Variants in GDF11 observed in about 807,000 individuals in gnomAD.
The protein encoded by GDF11 is growth differentiation factor 11, also known as growth/differentiation factor 11.
GDF11 carries 12 observed loss-of-function variants against 34.4 expected under a neutral mutation model. That is an observed-to-expected ratio of 0.35 (90% CI 0.22 to 0.57). The LOEUF (loss-of-function observed/expected upper bound fraction) is 0.57. Ranked by LOEUF, GDF11 falls within the 20% of genes least tolerant of loss-of-function variation. GDF11 has a pLI of 0.86. For missense variants in GDF11, 346 were observed against 548.2 expected, an observed-to-expected ratio of 0.63 and a Z score of 3.68; for synonymous variants, 212 against 231.1, an observed-to-expected ratio of 0.92 and a Z score of 0.75.
In GDF11 at chr12:55,751,193, T is replaced by C. The variant is rs1332481440; in HGVS notation, c.*1311T>C. 1 of 152,178 alleles carries C rather than the reference T, an allele frequency of 6.6e-6. No homozygotes were observed. The highest frequency in any genetic ancestry group is 2.4e-5 in the African/African-American group (1 of 41,398). The allele number at this position is 152,178 out of a possible 1,614,324, so 9.4% of individuals were successfully genotyped here. ...GGGGAGAACAAGGAAGCAGAGTGTA[T>C]AATTATTTTTTCCTTTTATTTTTGG... On this transcript the variant is annotated 3_prime_UTR_variant, in exon 3 of 3. Coordinates refer to ENST00000257868, the MANE Select transcript of GDF11 (RefSeq NM_005811.5).
At position 55,752,960 on chromosome 12, in the gene GDF11, A is replaced by G. The variant is rs1878372373; in HGVS notation, c.*3078A>G. 6.6e-6 allele frequency: 1 copy of G among 152,222 alleles called. No individual in the cohort carries two copies. Among genetic ancestry groups the G allele is most frequent in the Non-Finnish European group, 1.5e-5 (1 of 68,070 alleles). 9.4% of individuals were successfully genotyped at this position (152,222 alleles called of 1,614,324 possible). ...AGGTGAAGAGGATCTGAGACAGGAA[A>G]CCTCGTGTTCAATGACTAAGAAGAT... is the stretch of plus-strand genomic sequence containing the variant. On this transcript the variant is annotated 3_prime_UTR_variant, in exon 3 of 3. Coordinates refer to ENST00000257868, the MANE Select transcript of GDF11 (RefSeq NM_005811.5).
At position 55,750,022 on chromosome 12, in the gene GDF11, A is replaced by C; in HGVS notation, c.*140A>C. The C allele has an allele frequency of 5.5e-6, 4 of 733,006 alleles. No homozygotes were observed. Among genetic ancestry groups the C allele is most frequent in the African/African-American group, 1.8e-5 (1 of 57,062 alleles). 45.4% of individuals were successfully genotyped at this position (733,006 alleles called of 1,614,324 possible). ...CCCCGACCAAGCCGTGTGCAATACA[A>C]CAGAGGGAGGCAGGTGGGAATTGAG... On this transcript the variant is annotated 3_prime_UTR_variant, in exon 3 of 3. Coordinates refer to ENST00000257868, the MANE Select transcript of GDF11 (RefSeq NM_005811.5).
intron 1 of GDF11, among the ~76,000 whole-genome samples, chr12:55,746,787 T>C (rs1878194287): frequency 6.6e-6 from 1 of 152,244 alleles, no homozygotes; most frequent in South Asian, 2.1e-4. Context: ...ATTATCTGTA[T>C]CACACTGAGA....
chr12:55,750,095 G>A lies in GDF11; in HGVS notation c.*213G>A. On this transcript the variant is annotated 3_prime_UTR_variant, in exon 3 of 3. Coordinates refer to ENST00000257868, the MANE Select transcript of GDF11 (RefSeq NM_005811.5). ...GGAAGCAGGGGCATAGTCAGGGTGG[G>A]GAGTGTTTGAAGTTTGCAGATGAGA... 5 of 565,038 alleles carry A rather than the reference G, an allele frequency of 8.8e-6. No individual in the cohort carries two copies. Among genetic ancestry groups the A allele is most frequent in the Non-Finnish European group, 1.6e-5 (5 of 317,744 alleles). 35.0% of individuals were successfully genotyped at this position (565,038 alleles called of 1,614,324 possible).
chr12:55,749,530 A>C lies in GDF11; in HGVS notation c.872A>C (p.Glu291Ala). The C allele has an allele frequency of 6.2e-7, 1 of 1,612,798 alleles. No homozygotes were observed. The highest frequency in any genetic ancestry group is 8.5e-7 in the Non-Finnish European group (1 of 1,178,978). The change falls in exon 3 of 3, where the codon GAG becomes GCG. Residue 291 changes from glutamate to alanine, a missense_variant. Transcript: ENST00000257868. The surrounding 1 kb of genome is among the most constrained non-coding windows in gnomAD (Gnocchi z 5.6). ...LHPFMELRVL[E>A]NTKRSRRNLG... is the part of the protein sequence containing the mutation. ...CCATTCATGGAGCTTCGAGTCCTAG[A>C]GAACACAAAACGTTCCCGGCGGAAC...
At position 55,743,758 on chromosome 12, in the gene GDF11, G is replaced by A. The variant is rs1182700084; in HGVS notation, c.442G>A (p.Glu148Lys). The A allele has an allele frequency of 1.3e-6, 2 of 1,546,268 alleles. No homozygotes were observed. The highest frequency in any genetic ancestry group is 1.2e-5 in the South Asian group (1 of 86,892). The change falls in exon 1 of 3, where the codon GAG (glutamate) becomes AAG (lysine). Residue 148 changes from glutamate (E) to lysine (K), a missense_variant. Transcript: ENST00000257868. ...TTETVISMAQ[E>K]TDPAVQTDGS... ...CGAGACCGTCATTAGCATGGCCCAG[G>A]AGAGTAAGTGGGCTGCGGGGCGCGA... is the stretch of plus-strand genomic sequence containing the variant.
Position 55,750,237 on chromosome 12 carries a change from C to A in GDF11, c.*355C>A. ...AGAGACAGACGAGGCAGAGACAAAA[C>A]ACTGAGAAAGAGACTGAAATGGAGT... is the stretch of plus-strand genomic sequence containing the variant. On this transcript the variant is annotated 3_prime_UTR_variant, in exon 3 of 3. Coordinates refer to ENST00000257868, the MANE Select transcript of GDF11 (RefSeq NM_005811.5). 4.4e-6 allele frequency: 1 copy of A among 227,574 alleles called. No homozygotes were observed. The highest frequency in any genetic ancestry group is 1.5e-3 in the Middle Eastern group (1 of 664). 14.1% of individuals were successfully genotyped at this position (227,574 alleles called of 1,614,324 possible).
Position 55,748,986 on chromosome 12 carries a change from G to T in GDF11, c.843+3G>T. 1 of 1,593,828 alleles carries T rather than the reference G, an allele frequency of 6.3e-7. No individual in the cohort carries two copies. The highest frequency in any genetic ancestry group is 1.1e-5 in the South Asian group (1 of 90,024). On this transcript the variant is annotated splice_donor_region_variant and intron_variant, in intron 2 of 2. Coordinates refer to ENST00000257868, the MANE Select transcript of GDF11 (RefSeq NM_005811.5). The surrounding 1 kb of genome is among the most constrained non-coding windows in gnomAD (Gnocchi z 5.6). ...TGGGGCCGGGAGCCGAGGGGCTGGT[G>T]AGCAGGGGGCCTGAGGTGGTGGATA...
At position 55,748,420 on chromosome 12, in the gene GDF11, A is replaced by C. The variant is rs1410780801; in HGVS notation, c.446-166A>C. 6.6e-6 allele frequency among the ~76,000 whole-genome samples: 1 copy of C among 152,234 alleles called. No homozygotes were observed. The highest frequency in any genetic ancestry group is 1.5e-5 in the Non-Finnish European group (1 of 68,044). ...TATAGGGCCATCATCCTAAAGAGGA[A>C]GTGCTGTTTTAGGTACCGGAGACAT... On this transcript the variant is annotated intron_variant, in intron 1 of 2. Transcript: ENST00000257868. The surrounding 1 kb of genome is among the most constrained non-coding windows in gnomAD (Gnocchi z 5.6).
In GDF11 at chr12:55,749,977, C is replaced by T. The variant is rs1371152875; in HGVS notation, c.*95C>T. On this transcript the variant is annotated 3_prime_UTR_variant, in exon 3 of 3. Transcript: ENST00000257868. The surrounding 1 kb of genome is among the most constrained non-coding windows in gnomAD (Gnocchi z 5.6). The stretch of plus-strand genomic sequence containing the variant: ...AAGCCCTAGAGCTCCCTCCACTCTT[C>T]CCGCGAACATCACACCGTTCCCCGA... 1.5e-5 allele frequency: 16 copies of T among 1,051,554 alleles called. No individual in the cohort carries two copies. The highest frequency in any genetic ancestry group is 9.0e-5 in the South Asian group (6 of 66,436). The allele number at this position is 1,051,554 out of a possible 1,614,324, so 65.1% of individuals were successfully genotyped here. A position where few individuals can be genotyped will look rare whatever the true frequency, so the allele number is the denominator to read the frequency against.
At position 55,755,364 on chromosome 12, in the gene GDF11, A is replaced by C. The variant is rs1878474427; in HGVS notation, c.*5482A>C. ...GTTTAGAGTGAGAGTGGAAAAAAAG[A>C]ATAATCCTAGAGAACCATAAAAAAG... On this transcript the variant is annotated 3_prime_UTR_variant, in exon 3 of 3. Transcript: ENST00000257868. 1 of 152,174 alleles carries C rather than the reference A, an allele frequency of 6.6e-6. No homozygotes were observed. The highest frequency in any genetic ancestry group is 2.4e-5 in the African/African-American group (1 of 41,440). The allele number at this position is 152,174 out of a possible 1,614,324, so 9.4% of individuals were successfully genotyped here. A position where few individuals can be genotyped will look rare whatever the true frequency, so the allele number is the denominator to read the frequency against.
In GDF11 at chr12:55,753,361, T is replaced by C. The variant is rs943076506; in HGVS notation, c.*3479T>C. The C allele has an allele frequency of 7.2e-5, 11 of 152,202 alleles. 1 individual carries two copies. Among genetic ancestry groups the C allele is most frequent in the Admixed American group, 5.9e-4 (9 of 15,282 alleles). The allele number at this position is 152,202 out of a possible 1,614,324, so 9.4% of individuals were successfully genotyped here. ...ACACAAGAGTGGCTAAAATAGCATCTCAAATATTCTTTCAGTTCACTGTAA... is the reference window on the plus strand; with the variant it reads ...ACACAAGAGTGGCTAAAATAGCATCCCAAATATTCTTTCAGTTCACTGTAA... On this transcript the variant is annotated 3_prime_UTR_variant, in exon 3 of 3. Transcript: ENST00000257868.
intron 1 of GDF11, among the ~76,000 whole-genome samples, chr12:55,745,252 AGTGT>A (rs1307626059): frequency 6.6e-6 from 1 of 152,084 alleles, no homozygotes; most frequent in African/African-American, 2.4e-5. Context: ...TCTGTGGTGT[AGTGT>A]GTGTGAAGAT....
rs1454411479 is a variant in GDF11 at position 55,748,504 on chromosome 12, C to T, written c.446-82C>T. ...GAACTGGAAAATCAGGCTGAGAAGT[C>T]CAAAATTGCCAGTGCCACCCAGGAC... On this transcript the variant is annotated intron_variant, in intron 1 of 2. Transcript: ENST00000257868. The surrounding 1 kb of genome is among the most constrained non-coding windows in gnomAD (Gnocchi z 5.6). 1 of 1,328,026 alleles carries T rather than the reference C, an allele frequency of 7.5e-7. No individual in the cohort carries two copies. Among genetic ancestry groups the T allele is most frequent in the African/African-American group, 1.5e-5 (1 of 68,172 alleles). 82.3% of individuals were successfully genotyped at this position (1,328,026 alleles called of 1,614,324 possible).
In GDF11 at chr12:55,748,819, G is replaced by A. The variant is rs1384904210; in HGVS notation, c.679G>A (p.Glu227Lys). 6.2e-7 allele frequency: 1 copy of A among 1,614,122 alleles called. No individual in the cohort carries two copies. Among genetic ancestry groups the A allele is most frequent in the Non-Finnish European group, 8.5e-7 (1 of 1,180,042 alleles). The change falls in exon 2 of 3, where the codon GAG becomes AAG. Residue 227 changes from glutamate to lysine, a missense_variant. By Grantham distance (56) the Glu-to-Lys change is moderately conservative. Transcript: ENST00000257868. This position sits in a 1 kb window ranked among gnomAD's most constrained non-coding sequence, Gnocchi z 5.6. ...RHIRIRSLKI[E>K]LHSRSGHWQS... ...CATCCGTATCCGCTCACTGAAGATT[G>A]AGCTGCACTCACGCTCAGGCCATTG...
In GDF11 at chr12:55,748,817, T is replaced by C. The variant is rs1426000440; in HGVS notation, c.677T>C (p.Ile226Thr). 1.2e-6 allele frequency: 2 copies of C among 1,613,946 alleles called. No homozygotes were observed. The highest frequency in any genetic ancestry group is 8.5e-7 in the Non-Finnish European group (1 of 1,180,018). ...RRHIRIRSLK[I>T]ELHSRSGHWQ... The stretch of plus-strand genomic sequence containing the variant: ...CACATCCGTATCCGCTCACTGAAGA[T>C]TGAGCTGCACTCACGCTCAGGCCAT... The change falls in exon 2 of 3, where the codon ATT (isoleucine) becomes ACT (threonine). Residue 226 changes from isoleucine (I) to threonine (T), a missense_variant. Transcript: ENST00000257868. The surrounding 1 kb of genome is among the most constrained non-coding windows in gnomAD (Gnocchi z 5.6).
Position 55,751,141 on chromosome 12 carries a change from CCT to C in GDF11, c.*1260_*1261del, listed in dbSNP as rs768777639. The C allele has an allele frequency of 2.0e-5, 3 of 152,198 alleles. No homozygotes were observed. Among genetic ancestry groups the C allele is most frequent in the Non-Finnish European group, 4.4e-5 (3 of 68,074 alleles). 9.4% of individuals were successfully genotyped at this position (152,198 alleles called of 1,614,324 possible). A position where few individuals can be genotyped will look rare whatever the true frequency, so the allele number is the denominator to read the frequency against. On this transcript the variant is annotated 3_prime_UTR_variant, in exon 3 of 3. Transcript: ENST00000257868. ...TTCTGGAAGGGGGACATTTTAGTCT[CCT>C]AACCCCAAAGCTCAGGGTGGAAGAG...
In GDF11 at chr12:55,756,725, CG is replaced by C. The variant is rs1270970461; in HGVS notation, c.*6844del. 1 of 152,206 alleles carries C rather than the reference CG, an allele frequency of 6.6e-6. No homozygotes were observed. Among genetic ancestry groups the C allele is most frequent in the African/African-American group, 2.4e-5 (1 of 41,450 alleles). 9.4% of individuals were successfully genotyped at this position (152,206 alleles called of 1,614,324 possible). A position where few individuals can be genotyped will look rare whatever the true frequency, so the allele number is the denominator to read the frequency against. On this transcript the variant is annotated 3_prime_UTR_variant, in exon 3 of 3. Transcript: ENST00000257868. The stretch of plus-strand genomic sequence containing the variant: ...GTTCCCAATGATTTAGCTAACAATG[CG>C]TAACAGCTCTGACATCCTCTGTCAT...
At chr12:55,745,405 G>T (rs1029816732) in intron 1 of GDF11, among the ~76,000 whole-genome samples, 3 of 152,072 alleles carry the variant, frequency 2.0e-5, no homozygotes, top group African/African-American at 4.8e-5. Flanking sequence ...GCCTTCATGA[G>T]TTGGGCTGTG....
Sources: allele counts gnomAD v4.1 joint callset (sites outside exome capture counted in the v4.1 genomes callset), GRCh38; gene constraint gnomAD v4.1.1; non-coding constraint Gnocchi (gnomAD v3.1); transcripts MANE v1.5; gene names NCBI Gene and HGNC (gene_info 2026-07-23, HGNC 2026-07-21).